Variants in ATAD3B observed in about 807,000 individuals in gnomAD.
The protein encoded by ATAD3B is ATPase family AAA domain-containing protein 3B.
In ATAD3B, 59 loss-of-function variants were observed where a neutral mutation model predicts 70.2. That is an observed-to-expected ratio of 0.84 (90% CI 0.68 to 1.04). The LOEUF (loss-of-function observed/expected upper bound fraction) is 1.04. Among genes scored for constraint, ATAD3B ranks in the 50% least tolerant of loss-of-function variants. The pLI is 0.00. For synonymous variants in ATAD3B, 423 were observed against 388.6 expected (o/e 1.09, Z -1.04); for missense variants, 961 against 913.4 (o/e 1.05, Z -0.67).
At position 1,474,792 on chromosome 1, in the gene ATAD3B, C is replaced by T. The variant is rs372257180; in HGVS notation, c.206-2482C>T. Among the ~76,000 whole-genome samples the T allele has an allele frequency of 8.5e-5, 13 of 152,128 alleles. No individual in the cohort carries two copies. In the East Asian group the frequency reaches 1.9e-3, roughly 23 times the overall value. On this transcript the variant is annotated intron_variant, in intron 1 of 15. Coordinates refer to ENST00000673477, the MANE Select transcript of ATAD3B (RefSeq NM_031921.6). ...CTGGGATGACAGGCGTGAGCCGCTG[C>T]TCATGGCCTTCCTCGGTAATTTTAA...
At chr1:1,476,865 G>T (rs1056338040) in intron 1 of ATAD3B, among the ~76,000 whole-genome samples, 3 of 151,602 alleles carry the variant, frequency 2.0e-5, no homozygotes, top group Non-Finnish European at 4.4e-5. Context: ...GGAGTGCGGT[G>T]GTGCGATCTC....
chr1:1,504,807 T>C, the ATAD3B span, among the ~76,000 whole-genome samples: 2 of 152,180 alleles, frequency 1.3e-5, no homozygotes, highest in Non-Finnish European at 2.9e-5. Flanking sequence ...TGGGTCCTCA[T>C]GTGGCGGAGA....
In ATAD3B at chr1:1,482,525, C is replaced by T. The variant is rs748338164; in HGVS notation, c.681-20C>T. The T allele has an allele frequency of 2.3e-5, 37 of 1,613,286 alleles. 1 individual carries two copies. The highest frequency in any genetic ancestry group is 3.1e-5 in the Non-Finnish European group (37 of 1,179,560). On this transcript the variant is annotated intron_variant, in intron 6 of 15. Coordinates refer to ENST00000673477, the MANE Select transcript of ATAD3B (RefSeq NM_031921.6). ...CGGATCTTCGTGTCCTTCCTGGTCA[C>T]ACCACTGCTTTCCCCGCAGGACGGC... is the stretch of plus-strand genomic sequence containing the variant.
chr1:1,498,698 G>A (rs545698407), downstream of ATAD3B, among the ~76,000 whole-genome samples: 7 of 151,428 alleles, frequency 4.6e-5, no homozygotes, highest in African/African-American at 1.5e-4. Flanking sequence ...CTGAGGCACC[G>A]CGCCCGGCCT....
intron 12 of ATAD3B, 86 bp from the exon 13 acceptor site, chr1:1,489,118 C>T: frequency 6.2e-7 from 1 of 1,601,432 alleles, no homozygotes; most frequent in Non-Finnish European, 8.5e-7. Context: ...CTGCTCCCTG[C>T]AGGAGGGAGG....
rs543854163 is a variant in ATAD3B, at chr1:1,479,257, C to G, written c.444+149C>G. Reference sequence around the variant, plus strand: ...GCAGGGGAAACTACTCGGACAGACACGCACCAGCACACGTGTACAGGCACA... The same window carrying G: ...GCAGGGGAAACTACTCGGACAGACAGGCACCAGCACACGTGTACAGGCACA... On this transcript the variant is annotated intron_variant, in intron 4 of 15. Transcript: ENST00000673477. 10 of 914,030 alleles carry G rather than the reference C, an allele frequency of 1.1e-5. 3 individuals are homozygous for G. In the African/African-American group the frequency reaches 1.8e-4, roughly 16 times the overall value. The allele number at this position is 914,030 out of a possible 1,614,324, so 56.6% of individuals were successfully genotyped here.
chr1:1,484,184 A>ATTT, intron 7 of ATAD3B: 1 of 145,572 alleles, frequency 6.9e-6, no homozygotes, highest in Non-Finnish European at 1.5e-5. Context: ...TGGGTCTTTG[A>ATTT]TTTTTTTTTT....
At chr1:1,474,348 G>A (rs558872110) in intron 1 of ATAD3B, among the ~76,000 whole-genome samples, 159 of 140,444 alleles carry the variant, frequency 1.1e-3, no homozygotes, top group African/African-American at 4.1e-3. Context: ...CCGCCGCCAC[G>A]CCCGGCTAAT....
downstream of ATAD3B, among the ~76,000 whole-genome samples, chr1:1,500,814 G>C (rs1198117269): frequency 6.6e-6 from 1 of 151,380 alleles, no homozygotes; most frequent in Non-Finnish European, 1.5e-5. Flanking sequence ...AAAATTAGCC[G>C]GGCGTGGTAG....
At chr1:1,509,319 C>T in the ATAD3B span, 11 of 1,612,294 alleles carry the variant, frequency 6.8e-6, 1 homozygote, top group African/African-American at 5.4e-5. Context: ...GAGGGGGAGG[C>T]CTGGGCCCGA....
chr1:1,485,252 C>T, intron 8 of ATAD3B, 81 bp downstream of exon 8: 1 of 1,549,754 alleles, frequency 6.5e-7, no homozygotes, highest in Non-Finnish European at 8.7e-7. Flanking sequence ...CCACGCACAC[C>T]CTCCCGTCCC....
At position 1,491,194 on chromosome 1, in the gene ATAD3B, A is replaced by G. The variant is rs372955532; in HGVS notation, c.1614+523A>G. Among the ~76,000 whole-genome samples the G allele has an allele frequency of 5.3e-5, 8 of 151,916 alleles. No individual in the cohort carries two copies. The East Asian group carries it at 7.7e-4, about 15-fold the overall frequency. ...CCTCCTGCTGCTCCTTGGATACTCC[A>G]GGGCCGAGGAGCCGAGACTCACTGG... On this transcript the variant is annotated intron_variant, in intron 15 of 15. Transcript: ENST00000673477.
At chr1:1,499,498 C>A (rs112516558), downstream of ATAD3B, among the ~76,000 whole-genome samples, 3,042 of 151,390 alleles carry the variant, frequency 0.02, 94 homozygotes, top group African/African-American at 0.066. Flanking sequence ...TCCCAAAGTG[C>A]TGGGATTACA....
Position 1,490,827 on chromosome 1 carries a change from G to A in ATAD3B, c.1614+156G>A, listed in dbSNP as rs563262560. Among the ~76,000 whole-genome samples, 132 of 152,164 alleles carry A rather than the reference G, an allele frequency of 8.7e-4. 5 individuals carry two copies. The South Asian group carries it at 0.015, about 17-fold the overall frequency. ...TGACACAGGGCCCCCTGCCTCAGTC[G>A]GGCCACTCCACGCAGCAGCGTGCAC... On this transcript the variant is annotated intron_variant, in intron 15 of 15. Coordinates refer to ENST00000673477, the MANE Select transcript of ATAD3B (RefSeq NM_031921.6).
At chr1:1,482,411 C>T (rs2100554271) in intron 6 of ATAD3B, 108 bp downstream of exon 6, 4 of 1,583,868 alleles carry the variant, frequency 2.5e-6, no homozygotes, top group East Asian at 2.3e-5. Flanking sequence ...CATAGGCTGA[C>T]TCCTTGGTGG....
intron 8 of ATAD3B, 63 bp downstream of exon 8, chr1:1,485,234 A>G (rs1640142025): frequency 3.8e-6 from 6 of 1,588,046 alleles, no homozygotes; most frequent in Non-Finnish European, 5.1e-6. Context: ...CTGCCCCACG[A>G]GCACAGCCCA....
rs1326832243 is a variant in ATAD3B at position 1,485,019 on chromosome 1, G to T, written c.754G>T (p.Ala252Ser). 5 of 1,601,680 alleles carry T rather than the reference G, an allele frequency of 3.1e-6. No homozygotes were observed. The East Asian group carries it at 1.1e-4, about 36-fold the overall frequency. The stretch of plus-strand genomic sequence containing the variant: ...CAGTGCGGTGTCTCTGCTGCAGGTG[G>T]CTGGGCTGACGCTGCTGGCTGTCGG... ...TDRDKVTATVAGLTLLAVGVY... is the reference protein window; with the variant it reads ...TDRDKVTATVSGLTLLAVGVY... The change falls in exon 8 of 16, where the codon GCT (alanine) becomes TCT (serine). Residue 252 changes from alanine (A) to serine (S), a missense_variant. Physicochemically the swap from Ala to Ser is moderately conservative, Grantham distance 99 (BLOSUM62 1). Around this residue, in one of 4 missense-constraint regions of ATAD3B, gnomAD observed 349 missense variants for 307.5 expected, o/e 1.14. Coordinates refer to ENST00000673477, the MANE Select transcript of ATAD3B (RefSeq NM_031921.6).
chr1:1,489,414 C>T lies in ATAD3B; in HGVS notation c.1337+140C>T, dbSNP rs976943442. The T allele has an allele frequency of 3.4e-5, 49 of 1,426,996 alleles. 1 individual carries two copies. Among genetic ancestry groups the T allele is most frequent in the Non-Finnish European group, 4.1e-5 (43 of 1,046,296 alleles). The allele number at this position is 1,426,996 out of a possible 1,614,324, so 88.4% of individuals were successfully genotyped here. On this transcript the variant is annotated intron_variant, in intron 13 of 15. Transcript: ENST00000673477. ...GCCCACCTCAGATGTCCCCTGGGAA[C>T]GGCCCAGCTCGGGACAGCACGGGGT... is the stretch of plus-strand genomic sequence containing the variant.
chr1:1,481,480 A>G (rs1376822675), intron 5 of ATAD3B, among the ~76,000 whole-genome samples: 1 of 46,264 alleles, frequency 2.2e-5, no homozygotes, highest in African/African-American at 1.1e-4. Flanking sequence ...TGCCTAGAAC[A>G]TGGGTCTTTA....
Sources: allele counts gnomAD v4.1 joint callset (sites outside exome capture counted in the v4.1 genomes callset), GRCh38; gene constraint gnomAD v4.1.1; regional missense constraint gnomAD v4.1.1; transcripts MANE v1.5; gene names NCBI Gene and HGNC (gene_info 2026-07-23, HGNC 2026-07-21).